FGF13: variants seen among roughly 807,000 people sequenced by gnomAD.
FGF13 encodes the protein fibroblast growth factor homologous factor 2.
In FGF13, 2 loss-of-function variants were observed where a neutral mutation model predicts 19.5. That is an observed-to-expected ratio of 0.10 (90% CI 0.04 to 0.32). The LOEUF is 0.32. FGF13 is among the 10% of genes least tolerant of loss of function. The pLI is 1.00. For missense variants in FGF13, 113 were observed against 192.7 expected (o/e 0.59, Z 2.45); for synonymous variants, 72 against 76.9 (o/e 0.94, Z 0.33).
intron 1 of FGF13, among the ~76,000 whole-genome samples, chrX:139,168,439 A>T (rs1300068902): frequency 9.0e-6 from 1 of 111,687 alleles, no homozygotes; most frequent in East Asian, 2.8e-4. Flanking sequence ...TCCCTACCTT[A>T]TGTATAGCAA....
In FGF13 at chrX:138,861,800, C is replaced by A. The variant is rs1407136372; in HGVS notation, c.-39+2777G>T. ...GGTGGATCACCTGAGGTCATGAGTT[C>A]GAGACTAGACTGGCCAACATGGCAA... On this transcript the variant is annotated intron_variant, in intron 2 of 2. Coordinates refer to the FGF13 transcript ENST00000421460. Among the ~76,000 whole-genome samples the A allele has an allele frequency of 2.7e-5, 3 of 110,858 alleles. No homozygotes were observed. In the East Asian group the frequency reaches 8.6e-4, roughly 32 times the overall value.
intron 3 of FGF13, chrX:138,806,831 G>C (rs2090871934): frequency 9.0e-6 from 1 of 111,718 alleles, no homozygotes; most frequent in African/African-American, 3.3e-5. Context: ...GATAGCTCAG[G>C]TGACCAAGAT....
At chrX:138,896,642 T>G (rs1439323935) in intron 1 of FGF13, among the ~76,000 whole-genome samples, 2 of 112,266 alleles carry the variant, frequency 1.8e-5, no homozygotes, top group African/African-American at 3.2e-5. Flanking sequence ...TAGGCAGACT[T>G]GAGCTTGAAT....
chrX:138,674,865 C>A (rs549485480), intron 3 of FGF13, among the ~76,000 whole-genome samples: 14 of 110,894 alleles, frequency 1.3e-4, no homozygotes, highest in East Asian at 5.7e-4. Flanking sequence ...TATATGGATA[C>A]TAAAATTATC....
At chrX:139,129,161 A>G (rs1266676092) in intron 1 of FGF13, among the ~76,000 whole-genome samples, 8 of 93,597 alleles carry the variant, frequency 8.5e-5, no homozygotes, top group African/African-American at 3.4e-4. Context: ...ACATACACAC[A>G]CACACACACA....
intron 3 of FGF13, among the ~76,000 whole-genome samples, chrX:138,796,719 C>T (rs192952816): frequency 1.0e-3 from 117 of 111,906 alleles, no homozygotes; most frequent in South Asian, 5.7e-3. Context: ...TCGCCAGGAT[C>T]TGTTGTTTCC....
intron 1 of FGF13, among the ~76,000 whole-genome samples, chrX:138,930,148 A>C (rs2091694970): frequency 1.8e-5 from 2 of 111,461 alleles, no homozygotes; most frequent in African/African-American, 6.5e-5. Flanking sequence ...AGTGGCCTGA[A>C]AGAGTTAACA....
chrX:139,017,181 T>C (rs1312298168), intron 1 of FGF13, among the ~76,000 whole-genome samples: 4 of 109,216 alleles, frequency 3.7e-5, no homozygotes, highest in African/African-American at 6.7e-5. Flanking sequence ...GATGGGGGGA[T>C]CAAACTTCTT....
At chrX:139,129,206 TTAATA>T (rs781107295) in intron 1 of FGF13, among the ~76,000 whole-genome samples, 113 of 107,559 alleles carry the variant, frequency 1.1e-3, no homozygotes, top group African/African-American at 3.6e-3. Flanking sequence ...ATTTATGTAA[TTAATA>T]TAATATGTAA....
intron 1 of FGF13, among the ~76,000 whole-genome samples, chrX:139,078,791 C>T (rs139495183): frequency 0.02 from 2,194 of 112,323 alleles, 18 homozygotes; most frequent in Non-Finnish European, 0.029. Flanking sequence ...GAAGCTGATC[C>T]GATTTACACA....
At chrX:138,683,063 AT>A (rs1233531167) in intron 3 of FGF13, among the ~76,000 whole-genome samples, 1 of 111,270 alleles carries the variant, frequency 9.0e-6, no homozygotes, top group African/African-American at 3.3e-5. Context: ...ATTTCTGAAA[AT>A]TAAACCCAAG....
At chrX:139,016,305 G>A (rs2092152553) in intron 1 of FGF13, among the ~76,000 whole-genome samples, 1 of 111,518 alleles carries the variant, frequency 9.0e-6, no homozygotes, top group African/African-American at 3.3e-5. Flanking sequence ...AAAGAGGGGG[G>A]AAAGTACTAT....
chrX:138,645,075 TAGA>T (rs766815495), intron 3 of FGF13, among the ~76,000 whole-genome samples: 9 of 111,970 alleles, frequency 8.0e-5, no homozygotes, highest in African/African-American at 2.9e-4. Flanking sequence ...GAGACCCAAA[TAGA>T]AGAATTAATT....
intron 3 of FGF13, among the ~76,000 whole-genome samples, chrX:138,777,228 C>G (rs759321720): frequency 9.0e-6 from 1 of 111,349 alleles, no homozygotes; most frequent in Non-Finnish European, 1.9e-5. Flanking sequence ...TAATAAGTAG[C>G]CAGGGGAAGC....
chrX:138,649,353 A>G (rs952215059), intron 3 of FGF13, among the ~76,000 whole-genome samples: 1 of 112,223 alleles, frequency 8.9e-6, no homozygotes, highest in Non-Finnish European at 1.9e-5. Flanking sequence ...TTCAGTGAGA[A>G]CACAGTTCTC....
chrX:139,198,080 T>A (rs1351445427), intron 1 of FGF13, among the ~76,000 whole-genome samples: 9 of 109,848 alleles, frequency 8.2e-5, no homozygotes, highest in Non-Finnish European at 1.9e-5. Context: ...GAAAGAACTT[T>A]CTGGGGTGAC....
chrX:139,190,179 T>C (rs999969833), intron 1 of FGF13, among the ~76,000 whole-genome samples: 12 of 111,975 alleles, frequency 1.1e-4, no homozygotes, highest in Non-Finnish European at 5.6e-5. Flanking sequence ...AACCAAAGAA[T>C]GCCATGGAGT....
At chrX:138,727,932 A>G (rs767615535) in intron 1 of FGF13, among the ~76,000 whole-genome samples, 1 of 111,981 alleles carries the variant, frequency 8.9e-6, no homozygotes, top group South Asian at 3.7e-4. Flanking sequence ...TAAATATGAA[A>G]AAGAAGACAG....
At chrX:139,161,000 C>T (rs113518196) in intron 1 of FGF13, among the ~76,000 whole-genome samples, 12,702 of 111,433 alleles carry the variant, frequency 0.11, 1,192 homozygotes, top group African/African-American at 0.32. Context: ...TTTTATGAGG[C>T]CAGCATCATC....
Sources: gnomAD v4.1 joint callset for allele counts (sites outside exome capture counted in the v4.1 genomes callset) on GRCh38, gnomAD v4.1.1 for gene constraint, MANE v1.5 for transcripts, NCBI Gene and HGNC (gene_info 2026-07-23, HGNC 2026-07-21) for gene names.